The following YEATS4 variants were observed in gnomAD, a reference collection of about 807,000 sequenced individuals.
YEATS4 encodes YEATS domain containing 4.
A neutral mutation model predicts 30.1 loss-of-function variants in YEATS4; 17 were observed. The observed-to-expected ratio is 0.56, with a 90% CI of 0.39 to 0.85. The LOEUF (loss-of-function observed/expected upper bound fraction) is 0.85. Among genes scored for constraint, YEATS4 ranks in the 40% least tolerant of loss-of-function variants. The pLI, the probability that YEATS4 is intolerant of heterozygous loss-of-function variation, is 0.00. For synonymous variants in YEATS4, 85 were observed against 87.5 expected, an observed-to-expected ratio of 0.97 and a Z score of 0.16; for missense variants, 142 against 268.3, an observed-to-expected ratio of 0.53 and a Z score of 3.29.
At chr12:69,368,051 A>G (rs1168911447) in intron 4 of YEATS4, among the ~76,000 whole-genome samples, 1 of 152,218 alleles carries the variant, frequency 6.6e-6, no homozygotes, top group African/African-American at 2.4e-5. Context: ...TATAGTGATT[A>G]ATCTGTTTAA....
chr12:69,406,491 A>C, the YEATS4 span, among the ~76,000 whole-genome samples: 1 of 152,002 alleles, frequency 6.6e-6, no homozygotes, highest in African/African-American at 2.4e-5. Flanking sequence ...CTATGCCTGG[A>C]TAATTTTTAA....
At chr12:69,361,880 G>A (rs1875223910) in intron 1 of YEATS4, among the ~76,000 whole-genome samples, 1 of 152,134 alleles carries the variant, frequency 6.6e-6, no homozygotes, top group Non-Finnish European at 1.5e-5. Flanking sequence ...AGTCATCCAA[G>A]TGACTCTTGG....
At chr12:69,373,637 C>T (rs938200939) in intron 6 of YEATS4, among the ~76,000 whole-genome samples, 4 of 152,034 alleles carry the variant, frequency 2.6e-5, no homozygotes, top group Admixed American at 6.6e-5. Flanking sequence ...GATGTGATCC[C>T]GTTAATCCAT....
At chr12:69,371,210 TTGTC>T (rs1222267436) in intron 6 of YEATS4, among the ~76,000 whole-genome samples, 3 of 152,216 alleles carry the variant, frequency 2.0e-5, no homozygotes, top group African/African-American at 7.2e-5. Flanking sequence ...GAAGTACTGT[TTGTC>T]TGTTTTATTC....
At chr12:69,390,001 T>C in intron 6 of YEATS4, 146 bp from the exon 7 acceptor site, 1 of 589,378 alleles carries the variant, frequency 1.7e-6, no homozygotes, top group Non-Finnish European at 2.8e-6. Context: ...TCCCCCAACC[T>C]GCACCCATGT....
At chr12:69,364,598 T>C (rs1005183610) in intron 2 of YEATS4, among the ~76,000 whole-genome samples, 3 of 152,170 alleles carry the variant, frequency 2.0e-5, no homozygotes, top group Non-Finnish European at 2.9e-5. Context: ...TTTAAATTAG[T>C]TGTCCTTAGC....
chr12:69,405,294 A>T, the YEATS4 span, among the ~76,000 whole-genome samples: 1 of 152,228 alleles, frequency 6.6e-6, no homozygotes, highest in East Asian at 1.9e-4. Context: ...CATGTCTATG[A>T]TAAAGTTTAA....
chr12:69,377,187 A>T, intron 6 of YEATS4, among the ~76,000 whole-genome samples: 1 of 150,604 alleles, frequency 6.6e-6, no homozygotes, highest in East Asian at 1.9e-4. Context: ...ATTTATTTTT[A>T]CTCTGATCTT....
chr12:69,388,457 GT>G (rs772367734), intron 6 of YEATS4, among the ~76,000 whole-genome samples: 3 of 152,182 alleles, frequency 2.0e-5, no homozygotes, highest in East Asian at 3.9e-4. Context: ...CCATAGTTGG[GT>G]TTTTTTCCCA....
In YEATS4 at chr12:69,390,213, T is replaced by G; in HGVS notation, c.581T>G (p.Ile194Ser). Residue 194 changes from isoleucine (I) to serine (S), a missense_variant, in exon 7 of 7, where the codon ATT (isoleucine) becomes AGT (serine). This residue lies in a region of YEATS4 where 53 missense variants were observed against 68.6 expected (regional missense o/e 0.77). Transcript: ENST00000247843. ...GCTAAGAAAAAAACAAGCTTTGAGA[T>G]TGCAGAGCTTAAGGAGAGATTAAAA... ...EAAKKKTSFE[I>S]AELKERLKAS... is the part of the protein sequence containing the mutation. 1.2e-6 allele frequency: 2 copies of G among 1,603,546 alleles called. No homozygotes were observed. Among genetic ancestry groups the G allele is most frequent in the Admixed American group, 1.7e-5 (1 of 57,294 alleles).
chr12:69,424,637 C>A, the YEATS4 span, among the ~76,000 whole-genome samples: 7 of 152,050 alleles, frequency 4.6e-5, no homozygotes, highest in Non-Finnish European at 1.5e-5. Flanking sequence ...ATGCTGTTCT[C>A]GTGATAGTGA....
At chr12:69,366,017 T>G (rs1313029679) in intron 4 of YEATS4, 133 bp downstream of exon 4, 3 of 647,478 alleles carry the variant, frequency 4.6e-6, no homozygotes, top group Non-Finnish European at 7.1e-6. Flanking sequence ...TTGCCATGAG[T>G]TAAGTTTTTC....
the YEATS4 span, among the ~76,000 whole-genome samples, chr12:69,407,083 G>T: frequency 3.3e-5 from 5 of 151,952 alleles, no homozygotes; most frequent in Admixed American, 2.0e-4. Context: ...CCAAACTGCT[G>T]GGATTACAGG....
At chr12:69,426,379 T>C in the YEATS4 span, among the ~76,000 whole-genome samples, 1 of 152,202 alleles carries the variant, frequency 6.6e-6, no homozygotes, top group Non-Finnish European at 1.5e-5. Context: ...GTTTAAATTC[T>C]TTTTCTTTTG....
chr12:69,360,613 C>G (rs1461990101), intron 1 of YEATS4, among the ~76,000 whole-genome samples: 2 of 151,406 alleles, frequency 1.3e-5, no homozygotes, highest in Non-Finnish European at 2.9e-5. Flanking sequence ...TAGACCCTAG[C>G]GTAATGTTTG....
At chr12:69,423,459 T>C in the YEATS4 span, among the ~76,000 whole-genome samples, 2 of 152,292 alleles carry the variant, frequency 1.3e-5, no homozygotes, top group East Asian at 3.9e-4. Context: ...ATTTGAAAGA[T>C]AAGTTGTAGT....
the YEATS4 span, among the ~76,000 whole-genome samples, chr12:69,406,238 A>C: frequency 2.0e-5 from 3 of 152,212 alleles, no homozygotes; most frequent in Non-Finnish European, 2.9e-5. Flanking sequence ...TGCTTTCAAC[A>C]ACTGTGCGTT....
In YEATS4 at chr12:69,390,361, G is replaced by A. The variant is rs757464122; in HGVS notation, c.*45G>A. On this transcript the variant is annotated 3_prime_UTR_variant, in exon 7 of 7. Coordinates refer to ENST00000247843, the MANE Select transcript of YEATS4 (RefSeq NM_006530.4). ...GGTAGTAAGCTAAACTGAAAATAAGGTGGGCTTCACTGGAGAAATGGACTT... is the reference window on the plus strand; with the variant it reads ...GGTAGTAAGCTAAACTGAAAATAAGATGGGCTTCACTGGAGAAATGGACTT... The A allele has an allele frequency of 7.4e-6, 11 of 1,492,142 alleles. No individual in the cohort carries two copies. In the East Asian group the frequency reaches 2.7e-4, roughly 36 times the overall value. 92.4% of individuals were successfully genotyped at this position (1,492,142 alleles called of 1,614,324 possible).
intron 1 of YEATS4, among the ~76,000 whole-genome samples, chr12:69,361,152 C>T (rs1378757715): frequency 6.6e-6 from 1 of 151,416 alleles, no homozygotes; most frequent in African/African-American, 2.4e-5. Flanking sequence ...GAGCTGAGAT[C>T]GTGCCACTGC....
Sources: gnomAD v4.1 joint callset for allele counts (sites outside exome capture counted in the v4.1 genomes callset) on GRCh38, gnomAD v4.1.1 for gene constraint, gnomAD v4.1.1 regional missense constraint, MANE v1.5 for transcripts, NCBI Gene and HGNC (gene_info 2026-07-23, HGNC 2026-07-21) for gene names.